Variants in RALB observed in about 807,000 individuals in gnomAD.
RALB encodes the protein RAS like proto-oncogene B, also known as ras-related protein Ral-B.
A neutral mutation model predicts 21.3 loss-of-function variants in RALB; 16 were observed. The observed-to-expected ratio is 0.75, with a 90% CI of 0.51 to 1.14. RALB has a LOEUF of 1.14. Ranked by LOEUF, RALB falls within the 50% of genes most tolerant of loss-of-function variation. The pLI is 0.00. For synonymous variants in RALB, 93 were observed against 96.1 expected (o/e 0.97, Z 0.19); for missense variants, 161 against 256.2 (o/e 0.63, Z 2.54).
chr2:120,264,769 C>A (rs1326058650), intron 1 of RALB, among the ~76,000 whole-genome samples: 1 of 152,194 alleles, frequency 6.6e-6, no homozygotes, highest in African/African-American at 2.4e-5. Context: ...TCCCCTCTTC[C>A]CCCACCCCCT....
intron 2 of RALB, chr2:120,280,808 G>T (rs753015167): frequency 7.8e-6 from 3 of 383,150 alleles, no homozygotes; most frequent in African/African-American, 4.4e-5. Flanking sequence ...CTAAAGGAAA[G>T]ACTAAATTAT....
chr2:120,251,328 C>T (rs1223293140), upstream of RALB, among the ~76,000 whole-genome samples: 1 of 152,220 alleles, frequency 6.6e-6, no homozygotes, highest in African/African-American at 2.4e-5. Flanking sequence ...TGATCACACA[C>T]TTGACTGTAC....
intron 1 of RALB, among the ~76,000 whole-genome samples, chr2:120,257,378 C>T (rs775104923): frequency 3.3e-5 from 5 of 152,220 alleles, no homozygotes; most frequent in East Asian, 1.9e-4. Context: ...GATAGAAGGG[C>T]GCTATTCTTT....
At chr2:120,278,864 C>T (rs1414040051) in intron 2 of RALB, 86 bp downstream of exon 2, 8 of 1,270,300 alleles carry the variant, frequency 6.3e-6, no homozygotes, top group Admixed American at 6.7e-5. Flanking sequence ...CCGGTCCTCC[C>T]GTACACAGGG....
intron 3 of RALB, among the ~76,000 whole-genome samples, chr2:120,286,367 G>A (rs1690157595): frequency 6.6e-6 from 1 of 152,086 alleles, no homozygotes; most frequent in Admixed American, 6.6e-5. Context: ...ATATAATCAA[G>A]AACATATAAT....
In RALB at chr2:120,280,714, GAA is replaced by G. The variant is rs35923227; in HGVS notation, c.114+1948_114+1949del. The G allele has an allele frequency of 2.8e-3, 657 of 233,200 alleles. 1 individual carries two copies. Among genetic ancestry groups the G allele is most frequent in the African/African-American group, 4.4e-3 (181 of 41,082 alleles). 14.4% of individuals were successfully genotyped at this position (233,200 alleles called of 1,614,324 possible). A position where few individuals can be genotyped will look rare whatever the true frequency, so the allele number is the denominator to read the frequency against. ...TGTATCCCAGAACTTAAAGTAAAAA[GAA>G]AAAAAAAAAAACTCATGTAGTTGTG... On this transcript the variant is annotated intron_variant, in intron 2 of 4. Transcript: ENST00000272519.
At chr2:120,241,485 G>A (rs143571538) in intron 1 of RALB, among the ~76,000 whole-genome samples, 1 of 152,174 alleles carries the variant, frequency 6.6e-6, no homozygotes, top group East Asian at 1.9e-4. Context: ...CAGCACTTTG[G>A]GTGGCCAAGG....
chr2:120,246,144 A>T (rs1688967702), intron 1 of RALB, among the ~76,000 whole-genome samples: 1 of 152,224 alleles, frequency 6.6e-6, no homozygotes, highest in South Asian at 2.1e-4. Context: ...AGTTTAAAAA[A>T]TGCTGCTCAT....
exon 1 of RALB, chr2:120,240,076 G>A (rs191668597): frequency 6.2e-6 from 8 of 1,289,430 alleles, no homozygotes; most frequent in Admixed American, 2.3e-5. Context: ...TTTCAGCAGC[G>A]GGAGAGCGGG....
At chr2:120,251,651 A>G (rs1013404474), upstream of RALB, among the ~76,000 whole-genome samples, 11 of 152,208 alleles carry the variant, frequency 7.2e-5, no homozygotes, top group Admixed American at 7.2e-4. Context: ...AATACTAGGG[A>G]GCTTCCTCTT....
rs1690265745 is a variant in RALB, at chr2:120,289,828, T to C, written c.501+71T>C. On this transcript the variant is annotated intron_variant, in intron 4 of 4. Transcript: ENST00000272519. ...AGCAGAATGGAGGCATCTCATCTGCTGGGTTTTAGGGAACCATTTATGAAA... is the reference window on the plus strand; with the variant it reads ...AGCAGAATGGAGGCATCTCATCTGCCGGGTTTTAGGGAACCATTTATGAAA... The C allele has an allele frequency of 4.9e-6, 7 of 1,430,552 alleles. No individual in the cohort carries two copies. The South Asian group carries it at 7.2e-5, about 15-fold the overall frequency. The allele number at this position is 1,430,552 out of a possible 1,614,324, so 88.6% of individuals were successfully genotyped here. A position where few individuals can be genotyped will look rare whatever the true frequency, so the allele number is the denominator to read the frequency against.
At chr2:120,278,816 T>C in intron 2 of RALB, 38 bp downstream of exon 2, 3 of 1,473,870 alleles carry the variant, frequency 2.0e-6, no homozygotes, top group Non-Finnish European at 2.7e-6. Context: ...TCCTTTGGCA[T>C]TGGCCGTAGC....
chr2:120,267,559 C>T (rs1423454074), intron 1 of RALB, among the ~76,000 whole-genome samples: 2 of 152,062 alleles, frequency 1.3e-5, no homozygotes, highest in African/African-American at 4.8e-5. Flanking sequence ...CTATCATGTC[C>T]GAAGCAGGGT....
chr2:120,279,426 A>G (rs1689928687), intron 2 of RALB, among the ~76,000 whole-genome samples: 1 of 152,190 alleles, frequency 6.6e-6, no homozygotes, highest in African/African-American at 2.4e-5. Context: ...AACGTTGCGG[A>G]ATGAAAATAT....
chr2:120,241,359 C>T (rs534987312), intron 1 of RALB, among the ~76,000 whole-genome samples: 5 of 152,268 alleles, frequency 3.3e-5, no homozygotes, highest in South Asian at 2.1e-4. Flanking sequence ...CTGCTATGAG[C>T]GGGGCTCGAA....
intron 1 of RALB, 60 bp from the exon 2 acceptor site, chr2:120,278,558 T>G (rs2104636598): frequency 1.5e-6 from 2 of 1,332,598 alleles, no homozygotes; most frequent in South Asian, 1.7e-5. Flanking sequence ...GTGAATGACA[T>G]TTGGTTTTAG....
intron 1 of RALB, among the ~76,000 whole-genome samples, chr2:120,277,929 G>A (rs920223863): frequency 1.2e-4 from 11 of 94,156 alleles, no homozygotes; most frequent in African/African-American, 3.4e-4. Flanking sequence ...TAATGTGAGC[G>A]TGTGTGAGCG....
Position 120,288,342 on chromosome 2 carries a change from G to GTTTTTTTTTTTTTTTTT in RALB, c.324-1227_324-1226insTTTTTTTTTTTTTTTTT, listed in dbSNP as rs547733377. Among the ~76,000 whole-genome samples, 8 of 117,092 alleles carry GTTTTTTTTTTTTTTTTT rather than the reference G, an allele frequency of 6.8e-5. 1 individual carries two copies. The highest frequency in any genetic ancestry group is 1.0e-4 in the Non-Finnish European group (6 of 60,192). 76.8% of individuals were successfully genotyped at this position (117,092 alleles called of 152,430 possible). A position where few individuals can be genotyped will look rare whatever the true frequency, so the allele number is the denominator to read the frequency against. ...TTAAATTGACTACATGAAAATTTTA[G>GTTTTTTTTTTTTTTTTT]TTTTTTTTTTTGTTTTTTTTTTTGT... On this transcript the variant is annotated intron_variant, in intron 3 of 4. Coordinates refer to ENST00000272519, the MANE Select transcript of RALB (RefSeq NM_002881.3).
intron 2 of RALB, among the ~76,000 whole-genome samples, chr2:120,282,564 A>G (rs947868435): frequency 1.7e-5 from 1 of 58,124 alleles, no homozygotes; most frequent in African/African-American, 7.1e-5. Flanking sequence ...TGTGTTGGGG[A>G]GGGGGGCGGG....
Sources: gnomAD v4.1 joint callset for allele counts (sites outside exome capture counted in the v4.1 genomes callset) on GRCh38, gnomAD v4.1.1 for gene constraint, MANE v1.5 for transcripts, NCBI Gene and HGNC (gene_info 2026-07-23, HGNC 2026-07-21) for gene names.